The following FAM186B variants were observed in gnomAD, a reference collection of about 807,000 sequenced individuals.
FAM186B encodes family with sequence similarity 186 member B, also known as protein FAM186B.
In FAM186B, 68 loss-of-function variants were observed where a neutral mutation model predicts 83.4. The ratio of observed to expected loss-of-function variants is 0.81; its 90% CI spans 0.67 to 1.00. The LOEUF is 1.00. Ranked by LOEUF, FAM186B falls within the 50% of genes least tolerant of loss-of-function variation. The pLI, the probability that FAM186B is intolerant of heterozygous loss-of-function variation, is 0.00. For missense variants in FAM186B, 983 were observed against 1,099.2 expected, an observed-to-expected ratio of 0.89 and a Z score of 1.49; for synonymous variants, 389 against 422.0, an observed-to-expected ratio of 0.92 and a Z score of 0.96.
chr12:49,604,448 T>C lies in FAM186B; in HGVS notation c.187A>G (p.Asn63Asp). The change falls in exon 2 of 7, where the codon AAT (asparagine) becomes GAT (aspartate). Residue 63 changes from asparagine (N) to aspartate (D), a missense_variant. Asn to Asp is a conservative substitution (Grantham distance 23). Transcript: ENST00000257894. ...QEELGYDLKE[N>D]AKSQQRDPKG... ...GGATCTCTCTGCTGAGATTTGGCAT[T>C]TTCTTTTAAATCATATCCTAATTCT... 6.2e-7 allele frequency: 1 copy of C among 1,614,238 alleles called. No individual in the cohort carries two copies. The highest frequency in any genetic ancestry group is 8.5e-7 in the Non-Finnish European group (1 of 1,180,042).
rs768105766 is a variant in FAM186B at position 49,600,534 on chromosome 12, G to A, written c.1106C>T (p.Ser369Leu). 6.2e-5 allele frequency: 100 copies of A among 1,613,728 alleles called. 1 individual carries two copies. Among genetic ancestry groups the A allele is most frequent in the South Asian group, 4.7e-4 (43 of 91,032 alleles). ...GGCCATGGGACTTGGGGGAAGTGGC[G>A]AGAACAACTGCTCCTCCTTCATCGG... ...QEPMKEEQLFSPLPPSPMAMI... is the reference protein window; with the variant it reads ...QEPMKEEQLFLPLPPSPMAMI... The change falls in exon 4 of 7, where the codon TCG (serine) becomes TTG (leucine). Residue 369 changes from serine (S) to leucine (L), a missense_variant. By Grantham distance (145) the Ser-to-Leu change is moderately radical (BLOSUM62 -2). Coordinates refer to ENST00000257894, the MANE Select transcript of FAM186B (RefSeq NM_032130.3). The surrounding 1 kb of genome is among the most constrained non-coding windows in gnomAD (Gnocchi z 4.3).
chr12:49,599,697 G>A lies in FAM186B; in HGVS notation c.1943C>T (p.Pro648Leu), dbSNP rs1250273437. The change falls in exon 4 of 7, where the codon CCC becomes CTC. Residue 648 changes from proline to leucine, a missense_variant. Transcript: ENST00000257894. The stretch of plus-strand genomic sequence containing the variant: ...ATTTGCAGGGGATATCTGCAAAGAG[G>A]GCCAGGTCAGCCTTCGGATGGATGT... Reference protein sequence around the residue: ...TGTSIRRLTWPSLQISPANIK... With the variant: ...TGTSIRRLTWLSLQISPANIK... 1 of 1,611,448 alleles carries A rather than the reference G, an allele frequency of 6.2e-7. No homozygotes were observed. Among genetic ancestry groups the A allele is most frequent in the Non-Finnish European group, 8.5e-7 (1 of 1,178,808 alleles).
chr12:49,613,924 G>A, the FAM186B span, among the ~76,000 whole-genome samples: 1 of 151,790 alleles, frequency 6.6e-6, no homozygotes, highest in Non-Finnish European at 1.5e-5. Flanking sequence ...CTTGGTGGGT[G>A]GATCACCTGA....
chr12:49,621,082 T>C, the FAM186B span, among the ~76,000 whole-genome samples: 3 of 152,018 alleles, frequency 2.0e-5, no homozygotes, highest in African/African-American at 7.3e-5. Flanking sequence ...CAAATAAAAA[T>C]CCCACAGAAG....
chr12:49,613,871 G>A, the FAM186B span, among the ~76,000 whole-genome samples: 7 of 151,434 alleles, frequency 4.6e-5, no homozygotes, highest in East Asian at 3.9e-4. Context: ...AGAACTGGCC[G>A]GGCGCGGTGG....
At chr12:49,592,611 G>T (rs933926306) in intron 5 of FAM186B, among the ~76,000 whole-genome samples, 1 of 151,768 alleles carries the variant, frequency 6.6e-6, no homozygotes, top group Non-Finnish European at 1.5e-5. Context: ...TGGCAAAACC[G>T]TGTCTCTACT....
At chr12:49,604,610 C>G in intron 1 of FAM186B, 72 bp from the exon 2 acceptor site, 1 of 1,321,382 alleles carries the variant, frequency 7.6e-7, no homozygotes, top group Non-Finnish European at 1.1e-6. Flanking sequence ...AGCAGCGTGA[C>G]CTTGGACAAG....
chr12:49,600,318 T>C lies in FAM186B; in HGVS notation c.1322A>G (p.Asp441Gly). 4.3e-6 allele frequency: 7 copies of C among 1,614,168 alleles called. No individual in the cohort carries two copies. Among genetic ancestry groups the C allele is most frequent in the Non-Finnish European group, 5.1e-6 (6 of 1,180,026 alleles). ...RPVAESLGHKDKDQEDYFQKG... is the reference protein window; with the variant it reads ...RPVAESLGHKGKDQEDYFQKG... Reference sequence around the variant, plus strand: ...CTGGAAGTAGTCCTCCTGGTCTTTGTCTTTGTGGCCTAAGCTTTCTGCCAC... The same window carrying C: ...CTGGAAGTAGTCCTCCTGGTCTTTGCCTTTGTGGCCTAAGCTTTCTGCCAC... Residue 441 changes from aspartate (D) to glycine (G), a missense_variant, in exon 4 of 7, where the codon GAC becomes GGC. Transcript: ENST00000257894. This position sits in a 1 kb window ranked among gnomAD's most constrained non-coding sequence, Gnocchi z 4.3.
rs749575974 is a variant in FAM186B, at chr12:49,600,811, G to GC, written c.828dup (p.Leu277AlafsTer11). On this transcript the variant is annotated frameshift_variant, in exon 4 of 7. Transcript: ENST00000257894. LOFTEE classifies it high-confidence loss of function. This position sits in a 1 kb window ranked among gnomAD's most constrained non-coding sequence, Gnocchi z 4.3. ...ACCTCCATGAACTGCTGGAAGTGCAGCCTCTGGCTGCTGAGCTCTTTGGTC... is the reference window on the plus strand; with the variant it reads ...ACCTCCATGAACTGCTGGAAGTGCAGCCCTCTGGCTGCTGAGCTCTTTGGTC... The GC allele has an allele frequency of 3.1e-6, 5 of 1,612,088 alleles. No homozygotes were observed. The highest frequency in any genetic ancestry group is 4.2e-6 in the Non-Finnish European group (5 of 1,179,042).
chr12:49,610,662 C>T, the FAM186B span, among the ~76,000 whole-genome samples: 36 of 151,980 alleles, frequency 2.4e-4, no homozygotes, highest in East Asian at 5.1e-3. Context: ...CGGTCGTGGG[C>T]GCCTGTAGTC....
chr12:49,584,872 T>A (rs961538916), downstream of FAM186B, among the ~76,000 whole-genome samples: 1 of 152,052 alleles, frequency 6.6e-6, no homozygotes, highest in Non-Finnish European at 1.5e-5. Context: ...TTCCCACCCA[T>A]CCATGTTTCC....
the FAM186B span, among the ~76,000 whole-genome samples, chr12:49,614,565 T>C: frequency 6.6e-6 from 1 of 152,102 alleles, no homozygotes; most frequent in Non-Finnish European, 1.5e-5. Flanking sequence ...CAAAAGACAC[T>C]GGGGAGTACG....
At chr12:49,617,297 C>T in the FAM186B span, among the ~76,000 whole-genome samples, 1 of 152,334 alleles carries the variant, frequency 6.6e-6, no homozygotes, top group Admixed American at 6.5e-5. Context: ...GTAATCCCAG[C>T]ACTTTCGGAG....
At chr12:49,605,651 C>T, upstream of FAM186B, 1 of 584,788 alleles carries the variant, frequency 1.7e-6, no homozygotes, top group Non-Finnish European at 2.9e-6. Context: ...ATCCTCTTTT[C>T]CCCAGTGACA....
At chr12:49,605,138 C>T (rs1179267946) in intron 1 of FAM186B, 71 of 1,332,358 alleles carry the variant, frequency 5.3e-5, no homozygotes, top group Middle Eastern at 2.9e-4. Flanking sequence ...GGGCTATCCT[C>T]GAGCTTCCTG....
chr12:49,601,113 T>C lies in FAM186B; in HGVS notation c.527A>G (p.Gln176Arg), dbSNP rs1246149130. 6.4e-7 allele frequency: 1 copy of C among 1,568,920 alleles called. No homozygotes were observed. The highest frequency in any genetic ancestry group is 8.7e-7 in the Non-Finnish European group (1 of 1,155,788). Residue 176 changes from glutamine (Q) to arginine (R), a missense_variant, in exon 4 of 7, where the codon CAG (glutamine) becomes CGG (arginine). Coordinates refer to ENST00000257894, the MANE Select transcript of FAM186B (RefSeq NM_032130.3). Reference sequence around the variant, plus strand: ...CTGTGGGCTTCTTCCCTGCCAGCCCTGCCAGAAGGTGCGTTTGGACACTGG... The same window carrying C: ...CTGTGGGCTTCTTCCCTGCCAGCCCCGCCAGAAGGTGCGTTTGGACACTGG... ...RSQVSKRTFWQGWQGRSPQTS... is the reference protein window; with the variant it reads ...RSQVSKRTFWRGWQGRSPQTS...
intron 1 of FAM186B, 141 bp from the exon 2 acceptor site, chr12:49,604,679 C>A: frequency 1.6e-6 from 1 of 636,016 alleles, no homozygotes; most frequent in East Asian, 2.7e-5. Flanking sequence ...CATTATAGTA[C>A]CTATGTCACA....
At chr12:49,616,501 T>C in the FAM186B span, among the ~76,000 whole-genome samples, 1 of 152,080 alleles carries the variant, frequency 6.6e-6, no homozygotes, top group South Asian at 2.1e-4. Flanking sequence ...ATAAACAAAT[T>C]GTAGTATGTC....
At chr12:49,619,443 C>A in the FAM186B span, 1 of 581,774 alleles carries the variant, frequency 1.7e-6, no homozygotes, top group East Asian at 3.2e-5. Context: ...GCAGGTTTTG[C>A]AGCAATTGTT....
Sources: gnomAD v4.1 joint callset for allele counts (sites outside exome capture counted in the v4.1 genomes callset) on GRCh38, gnomAD v4.1.1 for gene constraint, Gnocchi (gnomAD v3.1) non-coding constraint, MANE v1.5 for transcripts, NCBI Gene and HGNC (gene_info 2026-07-23, HGNC 2026-07-21) for gene names.